The following MELK variants were observed in gnomAD, a reference collection of about 807,000 sequenced individuals.
MELK encodes the protein pEg3 kinase.
In MELK, 81 loss-of-function variants were observed where a neutral mutation model predicts 85.0. That is an observed-to-expected ratio of 0.95 (90% CI 0.80 to 1.15). The LOEUF (loss-of-function observed/expected upper bound fraction) is 1.15. MELK is among the 50% of genes most tolerant of loss of function. The probability of loss-of-function intolerance (pLI) is 0.00; values close to 1 mark genes in which losing one functional copy is unlikely to be tolerated. For synonymous variants in MELK, 252 were observed against 265.0 expected (o/e 0.95, Z 0.48); for missense variants, 754 against 777.5 (o/e 0.97, Z 0.36).
At chr9:36,582,182 A>T (rs554147496) in intron 2 of MELK, among the ~76,000 whole-genome samples, 4 of 151,938 alleles carry the variant, frequency 2.6e-5, no homozygotes, top group African/African-American at 9.7e-5. Context: ...GTTAATCAGG[A>T]TGGTCTCGAT....
At chr9:36,667,567 A>G (rs1345686373) in intron 14 of MELK, among the ~76,000 whole-genome samples, 2 of 152,160 alleles carry the variant, frequency 1.3e-5, no homozygotes, top group East Asian at 3.8e-4. Flanking sequence ...TTTGGAATTT[A>G]TTTTATAATC....
rs1382616796 is a variant in MELK at position 36,595,172 on chromosome 9, G to A, written c.405+401G>A. Among the ~76,000 whole-genome samples, 6 of 151,852 alleles carry A rather than the reference G, an allele frequency of 4.0e-5. No individual in the cohort carries two copies. In the East Asian group the frequency reaches 5.8e-4, roughly 15 times the overall value. ...TTTTTTGGAGACGGAGTCTCACTCC[G>A]TCGCCCAGGCTGGAGTGCAGTGGCG... On this transcript the variant is annotated intron_variant, in intron 5 of 17. Coordinates refer to ENST00000298048, the MANE Select transcript of MELK (RefSeq NM_014791.4).
rs1047737931 is a variant in MELK, at chr9:36,663,645, T to C, written c.1177-1705T>C. The stretch of plus-strand genomic sequence containing the variant: ...AACATGCAATATTTGTCATTCTGTG[T>C]CTGGCTTGTTTCACTTAAGGTAACC... On this transcript the variant is annotated intron_variant, in intron 13 of 17. Transcript: ENST00000298048. Among the ~76,000 whole-genome samples, 6 of 152,226 alleles carry C rather than the reference T, an allele frequency of 3.9e-5. 1 individual carries two copies. Among genetic ancestry groups the C allele is most frequent in the Admixed American group, 3.3e-4 (5 of 15,280 alleles).
chr9:36,628,829 A>G (rs1448439412), intron 8 of MELK, among the ~76,000 whole-genome samples: 1 of 147,670 alleles, frequency 6.8e-6, no homozygotes, highest in Non-Finnish European at 1.5e-5. Flanking sequence ...AATCACTCAT[A>G]CTTTCTTTAA....
At chr9:36,653,924 G>T (rs925113804) in intron 12 of MELK, among the ~76,000 whole-genome samples, 2 of 152,120 alleles carry the variant, frequency 1.3e-5, no homozygotes, top group Non-Finnish European at 2.9e-5. Flanking sequence ...GGTATAGTGG[G>T]TCTTATGTCA....
chr9:36,579,680 GAC>G (rs1822000861), intron 1 of MELK, among the ~76,000 whole-genome samples: 1 of 152,220 alleles, frequency 6.6e-6, no homozygotes, highest in Non-Finnish European at 1.5e-5. Context: ...AGTTTTTCCA[GAC>G]ACACTGCTGA....
intron 10 of MELK, among the ~76,000 whole-genome samples, chr9:36,633,734 A>G (rs924636734): frequency 6.6e-6 from 1 of 152,212 alleles, no homozygotes; most frequent in Non-Finnish European, 1.5e-5. Flanking sequence ...AAAAAGAATG[A>G]CATTGTTTTA....
chr9:36,593,151 C>T (rs1464094086), intron 4 of MELK, among the ~76,000 whole-genome samples: 4 of 147,244 alleles, frequency 2.7e-5, no homozygotes, highest in African/African-American at 1.0e-4. Context: ...GACATTGTTT[C>T]ATATCAGTTT....
chr9:36,619,778 AT>A (rs959251063), intron 8 of MELK, among the ~76,000 whole-genome samples: 198 of 152,326 alleles, frequency 1.3e-3, no homozygotes, highest in African/African-American at 4.3e-3. Flanking sequence ...TGTCTAGAGC[AT>A]CTGCAGCAGT....
intron 2 of MELK, 112 bp from the exon 3 acceptor site, chr9:36,583,515 A>T: frequency 1.8e-6 from 1 of 570,742 alleles, no homozygotes; most frequent in Non-Finnish European, 2.8e-6. Context: ...AAAAAAAGCC[A>T]CAAACTTCTA....
rs192726088 is a variant in MELK at position 36,637,262 on chromosome 9, A to G, written c.834+4062A>G. On this transcript the variant is annotated intron_variant, in intron 10 of 17. Coordinates refer to ENST00000298048, the MANE Select transcript of MELK (RefSeq NM_014791.4). ...CCATGTGACAAAGCCCAGAGCCACTATGGAAGGTGTATCTTTCAAGGTTGT... is the reference window on the plus strand; with the variant it reads ...CCATGTGACAAAGCCCAGAGCCACTGTGGAAGGTGTATCTTTCAAGGTTGT... Among the ~76,000 whole-genome samples, 1,390 of 152,316 alleles carry G rather than the reference A, an allele frequency of 9.1e-3. 16 individuals carry two copies. Among genetic ancestry groups the G allele is most frequent in the Non-Finnish European group, 0.014 (965 of 68,026 alleles).
chr9:36,621,171 C>T (rs1827371198), intron 8 of MELK, among the ~76,000 whole-genome samples: 1 of 149,796 alleles, frequency 6.7e-6, no homozygotes, highest in African/African-American at 2.5e-5. Context: ...ACTCAGGAGG[C>T]TGAAGCAGGA....
chr9:36,593,665 GTTT>G (rs1823875645), intron 4 of MELK, among the ~76,000 whole-genome samples: 1 of 152,118 alleles, frequency 6.6e-6, no homozygotes, highest in South Asian at 2.1e-4. Context: ...TTTAAGGTAC[GTTT>G]TTTGTTGTTG....
intron 17 of MELK, among the ~76,000 whole-genome samples, chr9:36,676,787 C>G (rs1833388546): frequency 6.6e-6 from 1 of 152,150 alleles, no homozygotes; most frequent in African/African-American, 2.4e-5. Flanking sequence ...TTGCGCTTTC[C>G]TTTGTTGTGA....
chr9:36,650,461 G>A (rs1323029957), intron 11 of MELK, among the ~76,000 whole-genome samples: 1 of 152,082 alleles, frequency 6.6e-6, no homozygotes, highest in Non-Finnish European at 1.5e-5. Context: ...CAAAAAGGCT[G>A]GAGAATCAAA....
chr9:36,636,728 ATTTCTTTC>A (rs74181197), intron 10 of MELK, among the ~76,000 whole-genome samples: 4,526 of 100,966 alleles, frequency 0.045, 124 homozygotes, highest in South Asian at 0.058. Flanking sequence ...TAGCAACTGG[ATTTCTTTC>A]TTTCTTTCTT....
At position 36,628,863 on chromosome 9, in the gene MELK, CT is replaced by C. The variant is rs869033969; in HGVS notation, c.667-1418del. Reference sequence around the variant, plus strand: ...AAGTACTCTTATGGTTTTGTATTTTCTTTTTTTTTTTTTTTTTTGAGACGGA... The same window carrying C: ...AAGTACTCTTATGGTTTTGTATTTTCTTTTTTTTTTTTTTTTTGAGACGGA... On this transcript the variant is annotated intron_variant, in intron 8 of 17. Transcript: ENST00000298048. 7.7e-3 allele frequency among the ~76,000 whole-genome samples: 984 copies of C among 127,854 alleles called. 3 individuals are homozygous for C. Among genetic ancestry groups the C allele is most frequent in the African/African-American group, 0.026 (853 of 33,418 alleles). 83.9% of individuals were successfully genotyped at this position (127,854 alleles called of 152,430 possible).
In MELK at chr9:36,581,749, AT is replaced by A. The variant is rs529508643; in HGVS notation, c.58+19del. The stretch of plus-strand genomic sequence containing the variant: ...GAAACTATTGGGACAGGTAATTGTT[AT>A]TTTTTTTTGGAGGCAGTGGATAGAT... On this transcript the variant is annotated intron_variant, in intron 2 of 17. Transcript: ENST00000298048. The A allele has an allele frequency of 5.3e-4, 805 of 1,529,274 alleles. No individual in the cohort carries two copies. The highest frequency in any genetic ancestry group is 1.0e-3 in the Middle Eastern group (6 of 5,856). 94.7% of individuals were successfully genotyped at this position (1,529,274 alleles called of 1,614,324 possible).
At chr9:36,577,488 C>T in intron 1 of MELK, among the ~76,000 whole-genome samples, 1 of 151,988 alleles carries the variant, frequency 6.6e-6, no homozygotes, top group East Asian at 2.0e-4. Context: ...TGCACTGCAG[C>T]CTGGGCACCA....
Sources: allele counts gnomAD v4.1 joint callset (sites outside exome capture counted in the v4.1 genomes callset), GRCh38; gene constraint gnomAD v4.1.1; transcripts MANE v1.5; gene names NCBI Gene and HGNC (gene_info 2026-07-23, HGNC 2026-07-21).